The following LANCL2 variants were observed in gnomAD, a reference collection of about 807,000 sequenced individuals.
The protein encoded by LANCL2 is LanC like glutathione S-transferase 2, also known as lanC-like protein 2.
In LANCL2, 33 loss-of-function variants were observed where a neutral mutation model predicts 56.9. The ratio of observed to expected loss-of-function variants is 0.58; its 90% CI spans 0.44 to 0.78. The LOEUF (loss-of-function observed/expected upper bound fraction) is 0.78. LANCL2 is among the 30% of genes least tolerant of loss of function. The pLI is 0.00. For missense variants in LANCL2, 562 were observed against 580.2 expected (o/e 0.97, Z 0.32); for synonymous variants, 233 against 228.2 (o/e 1.02, Z -0.19).
intron 2 of LANCL2, among the ~76,000 whole-genome samples, chr7:55,397,770 A>G (rs1425935142): frequency 7.0e-6 from 1 of 143,674 alleles, no homozygotes; most frequent in African/African-American, 2.6e-5. Context: ...TCTCAGATTC[A>G]TTTGAAGACC....
At chr7:55,379,565 G>A (rs1252787945) in intron 1 of LANCL2, 2 of 152,614 alleles carry the variant, frequency 1.3e-5, no homozygotes, top group Non-Finnish European at 2.9e-5. Flanking sequence ...CTACCTTATG[G>A]GTTCTGCCAC....
At chr7:55,404,224 C>T (rs1052847100) in intron 5 of LANCL2, among the ~76,000 whole-genome samples, 8 of 152,144 alleles carry the variant, frequency 5.3e-5, no homozygotes, top group African/African-American at 9.7e-5. Context: ...AGCGCACAGC[C>T]GCCTCTGCCA....
At position 55,428,449 on chromosome 7, in the gene LANCL2, TA is replaced by T. The variant is rs1304803826; in HGVS notation, c.1258+4del. 5.6e-6 allele frequency: 9 copies of T among 1,612,724 alleles called. No homozygotes were observed. Among genetic ancestry groups the T allele is most frequent in the Non-Finnish European group, 7.6e-6 (9 of 1,178,834 alleles). ...ACAGACCCTATTCGCTCTTTGAAGGTAAGAGTGAGAAAAATGCTATAGATTA... is the reference window on the plus strand; with the variant it reads ...ACAGACCCTATTCGCTCTTTGAAGGTAGAGTGAGAAAAATGCTATAGATTA... On this transcript the variant is annotated splice_donor_region_variant and intron_variant, in intron 8 of 8. Coordinates refer to ENST00000254770, the MANE Select transcript of LANCL2 (RefSeq NM_018697.4).
At chr7:55,388,214 G>T (rs972629919) in intron 1 of LANCL2, among the ~76,000 whole-genome samples, 5 of 152,126 alleles carry the variant, frequency 3.3e-5, no homozygotes, top group African/African-American at 9.7e-5. Context: ...CTCTTTTAAG[G>T]CTCGACCCCT....
At chr7:55,425,051 G>A (rs1431460813) in intron 6 of LANCL2, among the ~76,000 whole-genome samples, 2 of 152,232 alleles carry the variant, frequency 1.3e-5, no homozygotes, top group Non-Finnish European at 2.9e-5. Flanking sequence ...AAAGGTTGGA[G>A]ACCGCTGGGC....
chr7:55,376,967 A>AAT (rs889075365), intron 1 of LANCL2, among the ~76,000 whole-genome samples: 4 of 152,348 alleles, frequency 2.6e-5, no homozygotes, highest in Non-Finnish European at 4.4e-5. Flanking sequence ...AAGTTAGAAA[A>AAT]ATATATATAG....
rs1789858679 is a variant in LANCL2 at position 55,366,040 on chromosome 7, G to A, written c.15G>A (p.Met5Ile). 3 of 1,499,026 alleles carry A rather than the reference G, an allele frequency of 2.0e-6. No individual in the cohort carries two copies. Among genetic ancestry groups the A allele is most frequent in the Non-Finnish European group, 1.8e-6 (2 of 1,118,548 alleles). The allele number at this position is 1,499,026 out of a possible 1,614,324, so 92.9% of individuals were successfully genotyped here. A position where few individuals can be genotyped will look rare whatever the true frequency, so the allele number is the denominator to read the frequency against. ...CCGCGGCGGAGATGGGCGAGACCAT[G>A]TCAAAGAGGCTGAAGCTCCACCTGG... Reference protein sequence around the residue: MGETMSKRLKLHLGG... With the variant: MGETISKRLKLHLGG... Residue 5 changes from methionine (M) to isoleucine (I), a missense_variant, in exon 1 of 9, where the codon ATG becomes ATA. By Grantham distance (10) the Met-to-Ile change is conservative. Around this residue, in one of 2 missense-constraint regions of LANCL2, gnomAD observed 184 missense variants for 111.8 expected, o/e 1.65. Transcript: ENST00000254770.
chr7:55,371,672 C>T (rs1285353594), intron 1 of LANCL2, among the ~76,000 whole-genome samples: 1 of 152,034 alleles, frequency 6.6e-6, no homozygotes, highest in Non-Finnish European at 1.5e-5. Flanking sequence ...CTGGTCAATC[C>T]AAAGGACTTT....
At position 55,431,528 on chromosome 7, in the gene LANCL2, A is replaced by G; in HGVS notation, c.*208A>G. On this transcript the variant is annotated 3_prime_UTR_variant, in exon 9 of 9. Transcript: ENST00000254770. ...TATAAAATATGACTTCTTCACATAC[A>G]GATTCTCTGTAGTGTTTGCATGTTT... 1 of 520,446 alleles carries G rather than the reference A, an allele frequency of 1.9e-6. No homozygotes were observed. Among genetic ancestry groups the G allele is most frequent in the East Asian group, 3.2e-5 (1 of 31,514 alleles). 32.2% of individuals were successfully genotyped at this position (520,446 alleles called of 1,614,324 possible).
intron 5 of LANCL2, among the ~76,000 whole-genome samples, chr7:55,406,296 C>A (rs1233659381): frequency 6.6e-6 from 1 of 152,186 alleles, no homozygotes; most frequent in Non-Finnish European, 1.5e-5. Flanking sequence ...CAAAACCCCT[C>A]CCTGCATGTC....
At chr7:55,413,528 G>C (rs920746236) in intron 6 of LANCL2, among the ~76,000 whole-genome samples, 4 of 152,336 alleles carry the variant, frequency 2.6e-5, no homozygotes, top group African/African-American at 9.6e-5. Flanking sequence ...GAACCAGGCT[G>C]TCCTGTGGGG....
intron 5 of LANCL2, among the ~76,000 whole-genome samples, chr7:55,402,102 T>C (rs1371179309): frequency 2.3e-5 from 3 of 132,656 alleles, no homozygotes; most frequent in South Asian, 2.6e-4. Flanking sequence ...GGCTCCTCAC[T>C]TCCCAGTAGG....
Position 55,399,996 on chromosome 7 carries a change from A to AGACCTTCCTGAT in LANCL2, c.573_584dup (p.Asp191_Asp194dup). 2 of 1,613,854 alleles carry AGACCTTCCTGAT rather than the reference A, an allele frequency of 1.2e-6. No homozygotes were observed. Among genetic ancestry groups the AGACCTTCCTGAT allele is most frequent in the Non-Finnish European group, 1.7e-6 (2 of 1,179,788 alleles). ...AGAGATCGGTTGTCTGCCAAGAATC[A>AGACCTTCCTGAT]GACCTTCCTGATGAGCTGCTTTATG... is the stretch of plus-strand genomic sequence containing the variant. On this transcript the variant is annotated inframe_insertion, in exon 4 of 9. Coordinates refer to ENST00000254770, the MANE Select transcript of LANCL2 (RefSeq NM_018697.4).
At chr7:55,423,977 A>G (rs1207816406) in intron 6 of LANCL2, among the ~76,000 whole-genome samples, 6 of 152,124 alleles carry the variant, frequency 3.9e-5, no homozygotes, top group Non-Finnish European at 8.8e-5. Flanking sequence ...CGCAGTTCTC[A>G]TGCCCTGCCC....
At chr7:55,378,791 T>A (rs938837820) in intron 1 of LANCL2, among the ~76,000 whole-genome samples, 4 of 152,202 alleles carry the variant, frequency 2.6e-5, no homozygotes, top group Non-Finnish European at 5.9e-5. Context: ...AATTAAATTC[T>A]GGCAAATATT....
chr7:55,422,985 T>G (rs971261819), intron 6 of LANCL2, among the ~76,000 whole-genome samples: 1 of 152,224 alleles, frequency 6.6e-6, no homozygotes, highest in Admixed American at 6.5e-5. Context: ...TCCAGAGCCC[T>G]CGGGTTTTCC....
chr7:55,416,797 T>A (rs1225565166), intron 6 of LANCL2, among the ~76,000 whole-genome samples: 2 of 152,058 alleles, frequency 1.3e-5, no homozygotes, highest in Non-Finnish European at 2.9e-5. Flanking sequence ...TATTTTTCAA[T>A]GTTTTCTTTT....
intron 5 of LANCL2, among the ~76,000 whole-genome samples, chr7:55,406,651 A>C (rs1790410955): frequency 6.6e-6 from 1 of 152,190 alleles, no homozygotes; most frequent in Non-Finnish European, 1.5e-5. Flanking sequence ...AGTCATGTAA[A>C]AGTGGTAGTT....
intron 6 of LANCL2, among the ~76,000 whole-genome samples, chr7:55,417,104 C>G (rs913283191): frequency 1.3e-5 from 2 of 151,338 alleles, no homozygotes; most frequent in East Asian, 1.9e-4. Context: ...TTCAGCCTCC[C>G]GAGTAGCTGG....
Sources: allele counts gnomAD v4.1 joint callset (sites outside exome capture counted in the v4.1 genomes callset), GRCh38; gene constraint gnomAD v4.1.1; regional missense constraint gnomAD v4.1.1; transcripts MANE v1.5; gene names NCBI Gene and HGNC (gene_info 2026-07-23, HGNC 2026-07-21).